Variants in SEMA5A observed in about 807,000 individuals in gnomAD.
The protein encoded by SEMA5A is semaphorin-5A.
In SEMA5A, 55 loss-of-function variants were observed where a neutral mutation model predicts 135.5. That is an observed-to-expected ratio of 0.41 (90% CI 0.33 to 0.51). The LOEUF (loss-of-function observed/expected upper bound fraction) is 0.51. SEMA5A is among the 20% of genes least tolerant of loss of function. The pLI is 0.37. For missense variants in SEMA5A, 1,290 were observed against 1,419.9 expected, an observed-to-expected ratio of 0.91 and a Z score of 1.47; for synonymous variants, 580 against 546.5, an observed-to-expected ratio of 1.06 and a Z score of -0.85.
intron 1 of SEMA5A, among the ~76,000 whole-genome samples, chr5:9,439,574 C>T (rs571557308): frequency 6.6e-6 from 1 of 152,324 alleles, no homozygotes; most frequent in Admixed American, 6.5e-5. Context: ...CACAAATGAG[C>T]TGATGTGAAC....
In SEMA5A at chr5:9,104,626, G is replaced by A. The variant is rs562081104; in HGVS notation, c.2073+3514C>T. On this transcript the variant is annotated intron_variant, in intron 16 of 22. Coordinates refer to ENST00000382496, the MANE Select transcript of SEMA5A (RefSeq NM_003966.3). Reference sequence around the variant, plus strand: ...TCCTCTAAACAGCTCTGTCATTCAAGTGTTCATGCTTCATATTTCATTTGA... The same window carrying A: ...TCCTCTAAACAGCTCTGTCATTCAAATGTTCATGCTTCATATTTCATTTGA... Among the ~76,000 whole-genome samples, 24 of 152,310 alleles carry A rather than the reference G, an allele frequency of 1.6e-4. No individual in the cohort carries two copies. The South Asian group carries it at 5.0e-3, about 32-fold the overall frequency.
At chr5:9,156,313 A>G (rs1443275670) in intron 11 of SEMA5A, among the ~76,000 whole-genome samples, 1 of 152,218 alleles carries the variant, frequency 6.6e-6, no homozygotes. Context: ...CCTGGGGTAC[A>G]GCGAAGAGTC....
chr5:9,138,444 G>C (rs1449803049), intron 12 of SEMA5A, among the ~76,000 whole-genome samples: 1 of 152,114 alleles, frequency 6.6e-6, no homozygotes, highest in Non-Finnish European at 1.5e-5. Flanking sequence ...TGTGCACGCG[G>C]TTTCGCATTT....
At chr5:9,272,666 A>G (rs1359594090) in intron 5 of SEMA5A, among the ~76,000 whole-genome samples, 1 of 152,160 alleles carries the variant, frequency 6.6e-6, no homozygotes, top group Non-Finnish European at 1.5e-5. Flanking sequence ...AGAGGAAGGA[A>G]CAGGCAGCAA....
At chr5:9,301,008 T>A (rs1014301832) in intron 5 of SEMA5A, among the ~76,000 whole-genome samples, 4 of 152,234 alleles carry the variant, frequency 2.6e-5, no homozygotes, top group African/African-American at 9.6e-5. Flanking sequence ...TAATTTGTTA[T>A]TGCATCCCTA....
chr5:9,255,664 G>T (rs1167911176), intron 5 of SEMA5A, among the ~76,000 whole-genome samples: 1 of 152,110 alleles, frequency 6.6e-6, no homozygotes, highest in Non-Finnish European at 1.5e-5. Flanking sequence ...CTCCAATGGT[G>T]GCATGGCCCT....
intron 1 of SEMA5A, among the ~76,000 whole-genome samples, chr5:9,446,797 T>G (rs1395021849): frequency 6.6e-6 from 1 of 152,212 alleles, no homozygotes; most frequent in Non-Finnish European, 1.5e-5. Flanking sequence ...AAGATTTAAC[T>G]CTTTAAAAAA....
At chr5:9,430,332 T>G (rs2126654088) in intron 2 of SEMA5A, among the ~76,000 whole-genome samples, 1 of 152,322 alleles carries the variant, frequency 6.6e-6, no homozygotes, top group East Asian at 1.9e-4. Context: ...TGAGGTTAAA[T>G]AGGCAGTTGA....
At chr5:9,530,211 G>T (rs461700) in intron 1 of SEMA5A, among the ~76,000 whole-genome samples, 48,644 of 151,998 alleles carry the variant, frequency 0.32, 8,056 homozygotes, top group African/African-American at 0.4. Context: ...GCTGTGTTGA[G>T]TTATACCATG....
At chr5:9,184,595 T>TA (rs2150335821) in intron 11 of SEMA5A, among the ~76,000 whole-genome samples, 1 of 152,350 alleles carries the variant, frequency 6.6e-6, no homozygotes, top group East Asian at 1.9e-4. Flanking sequence ...GTCTAAGCTT[T>TA]AGCTGTGTTT....
chr5:9,400,484 G>C (rs188736541), intron 2 of SEMA5A, among the ~76,000 whole-genome samples: 2 of 147,554 alleles, frequency 1.4e-5, no homozygotes, highest in African/African-American at 5.0e-5. Context: ...TTCTTCAATA[G>C]TTTGAACACA....
chr5:9,116,361 T>C (rs1740513320), intron 15 of SEMA5A, among the ~76,000 whole-genome samples: 1 of 152,252 alleles, frequency 6.6e-6, no homozygotes, highest in Non-Finnish European at 1.5e-5. Context: ...CTTCCTTTTG[T>C]TAGTAGCCTC....
At chr5:9,473,303 A>C (rs1453270191) in intron 1 of SEMA5A, among the ~76,000 whole-genome samples, 1 of 145,004 alleles carries the variant, frequency 6.9e-6, no homozygotes, top group Non-Finnish European at 1.5e-5. Flanking sequence ...AAACTTAAAA[A>C]CTCTACTTGT....
intron 11 of SEMA5A, among the ~76,000 whole-genome samples, chr5:9,174,805 A>G (rs1744116849): frequency 6.6e-6 from 1 of 152,214 alleles, no homozygotes; most frequent in African/African-American, 2.4e-5. Context: ...AATACAGCCC[A>G]AGCAACCTCA....
At chr5:9,419,710 A>G (rs1359065923) in intron 2 of SEMA5A, among the ~76,000 whole-genome samples, 2 of 152,154 alleles carry the variant, frequency 1.3e-5, no homozygotes, top group African/African-American at 4.8e-5. Context: ...CAGATTTAAC[A>G]TTTTATAAAT....
chr5:9,220,908 G>C (rs1746911762), intron 8 of SEMA5A, among the ~76,000 whole-genome samples: 2 of 152,176 alleles, frequency 1.3e-5, no homozygotes, highest in African/African-American at 4.8e-5. Flanking sequence ...GAGAAGATGA[G>C]AATTGCCTGA....
At position 9,086,268 on chromosome 5, in the gene SEMA5A, G is replaced by A. The variant is rs546850466; in HGVS notation, c.2074-19622C>T. Reference sequence around the variant, plus strand: ...AATGTGAGGACATGACATTTGGGAGGGACCAGGGGCAGAGTGATATGGTTT... The same window carrying A: ...AATGTGAGGACATGACATTTGGGAGAGACCAGGGGCAGAGTGATATGGTTT... On this transcript the variant is annotated intron_variant, in intron 16 of 22. Transcript: ENST00000382496. Among the ~76,000 whole-genome samples the A allele has an allele frequency of 6.6e-4, 101 of 152,194 alleles. 1 individual carries two copies. The highest frequency in any genetic ancestry group is 1.1e-3 in the African/African-American group (47 of 41,528).
chr5:9,100,570 T>C (rs972937543), intron 16 of SEMA5A, among the ~76,000 whole-genome samples: 2 of 152,252 alleles, frequency 1.3e-5, no homozygotes, highest in Admixed American at 6.5e-5. Flanking sequence ...CAAACCCTAA[T>C]AGGAGCTTTT....
At position 9,400,665 on chromosome 5, in the gene SEMA5A, C is replaced by T. The variant is rs542143849; in HGVS notation, c.-77-20642G>A. On this transcript the variant is annotated intron_variant, in intron 2 of 22. Transcript: ENST00000382496. Reference sequence around the variant, plus strand: ...GGGACTACAGGCGCCCGCCACTACGCCCGGCTAATTTTTTGTATTTTTAGT... The same window carrying T: ...GGGACTACAGGCGCCCGCCACTACGTCCGGCTAATTTTTTGTATTTTTAGT... 4.7e-4 allele frequency among the ~76,000 whole-genome samples: 32 copies of T among 68,200 alleles called. 9 individuals are homozygous for T. Among genetic ancestry groups the T allele is most frequent in the African/African-American group, 1.5e-3 (23 of 15,066 alleles). 44.7% of individuals were successfully genotyped at this position (68,200 alleles called of 152,430 possible). A position where few individuals can be genotyped will look rare whatever the true frequency, so the allele number is the denominator to read the frequency against.
Sources: gnomAD v4.1 joint callset for allele counts (sites outside exome capture counted in the v4.1 genomes callset) on GRCh38, gnomAD v4.1.1 for gene constraint, MANE v1.5 for transcripts, NCBI Gene and HGNC (gene_info 2026-07-23, HGNC 2026-07-21) for gene names.